TMEFF1: variants seen among roughly 807,000 people sequenced by gnomAD.
TMEFF1 encodes transmembrane protein with EGF like and two follistatin like domains 1.
In TMEFF1, 20 loss-of-function variants were observed where a neutral mutation model predicts 47.5. The observed-to-expected ratio is 0.42, with a 90% confidence interval of 0.30 to 0.61. The LOEUF (loss-of-function observed/expected upper bound fraction) is 0.61, where lower values mean the gene tolerates loss of function less well. Ranked by LOEUF, TMEFF1 falls within the 20% of genes least tolerant of loss-of-function variation. The probability of loss-of-function intolerance (pLI) is 0.19; values close to 1 mark genes in which losing one functional copy is unlikely to be tolerated. For missense variants in TMEFF1, 411 were observed against 471.1 expected, an observed-to-expected ratio of 0.87 and a Z score of 1.18; for synonymous variants, 162 against 166.3, an observed-to-expected ratio of 0.97 and a Z score of 0.20.
intron 6 of TMEFF1, among the ~76,000 whole-genome samples, chr9:100,548,208 G>A: frequency 6.6e-6 from 1 of 152,020 alleles, no homozygotes; most frequent in Non-Finnish European, 1.5e-5. Context: ...AGCTATTTAA[G>A]AGTTAGATAA....
At chr9:100,519,543 T>C (rs1401914549) in intron 5 of TMEFF1, among the ~76,000 whole-genome samples, 1 of 151,754 alleles carries the variant, frequency 6.6e-6, no homozygotes. Flanking sequence ...AATAGTACAG[T>C]GCTTTTCTTA....
At chr9:100,575,510 T>C (rs1291837922) in intron 9 of TMEFF1, among the ~76,000 whole-genome samples, 4 of 152,308 alleles carry the variant, frequency 2.6e-5, no homozygotes, top group Admixed American at 6.5e-5. Flanking sequence ...TGATTCCAAC[T>C]CTGTCTACCT....
At chr9:100,499,011 C>A in intron 2 of TMEFF1, 137 bp downstream of exon 2, 1 of 768,646 alleles carries the variant, frequency 1.3e-6, no homozygotes, top group South Asian at 1.9e-5. Context: ...TCTTTTTTGT[C>A]AGATGATGCC....
intron 1 of TMEFF1, among the ~76,000 whole-genome samples, chr9:100,494,174 T>G (rs1587819426): frequency 7.8e-6 from 1 of 128,974 alleles, no homozygotes; most frequent in Admixed American, 9.6e-5. Context: ...ACCACTGCAC[T>G]CCAGCCTGGG....
At chr9:100,550,046 G>T (rs150816274) in intron 6 of TMEFF1, 49 bp from the exon 7 acceptor site, 4 of 1,584,602 alleles carry the variant, frequency 2.5e-6, no homozygotes, top group South Asian at 1.2e-5. Flanking sequence ...ATCATGATAT[G>T]ACTTAACCAT....
intron 5 of TMEFF1, among the ~76,000 whole-genome samples, chr9:100,543,436 A>T (rs1838670540): frequency 1.3e-5 from 2 of 149,358 alleles, no homozygotes; most frequent in Middle Eastern, 3.4e-3. Flanking sequence ...TGTTCTCCTC[A>T]TGGTGTTCTA....
chr9:100,513,760 C>T (rs907164353), intron 4 of TMEFF1, among the ~76,000 whole-genome samples: 1 of 152,140 alleles, frequency 6.6e-6, no homozygotes, highest in African/African-American at 2.4e-5. Flanking sequence ...ATTTGTAACT[C>T]TTTCCCATAC....
In TMEFF1 at chr9:100,473,882, C is replaced by T. The variant is rs377576837; in HGVS notation, c.196+142C>T. On this transcript the variant is annotated intron_variant, in intron 1 of 9. Transcript: ENST00000374879. The surrounding 1 kb of genome is among the most constrained non-coding windows in gnomAD (Gnocchi z 5.4). ...CCCGAGGGTGAGCGAGGGCGGAGGG[C>T]AGGGCGCGAGCGTGCGGTGTGGCTT... 1.2e-5 allele frequency: 13 copies of T among 1,085,464 alleles called. No homozygotes were observed. In the East Asian group the frequency reaches 3.2e-4, roughly 27 times the overall value. The allele number at this position is 1,085,464 out of a possible 1,614,324, so 67.2% of individuals were successfully genotyped here.
chr9:100,559,397 G>A (rs1216263995), intron 7 of TMEFF1, among the ~76,000 whole-genome samples: 1 of 152,168 alleles, frequency 6.6e-6, no homozygotes, highest in African/African-American at 2.4e-5. Flanking sequence ...TGATAAATTA[G>A]TGATCTGTTT....
chr9:100,494,272 A>G (rs550145447), intron 1 of TMEFF1, among the ~76,000 whole-genome samples: 2 of 152,032 alleles, frequency 1.3e-5, no homozygotes, highest in East Asian at 3.9e-4. Context: ...TCTCTTGATA[A>G]ATTTTATCAT....
chr9:100,569,755 G>A (rs935208152), intron 8 of TMEFF1, among the ~76,000 whole-genome samples: 1 of 152,212 alleles, frequency 6.6e-6, no homozygotes, highest in Non-Finnish European at 1.5e-5. Flanking sequence ...CAATCAAGCT[G>A]ATTAACATAT....
intron 5 of TMEFF1, among the ~76,000 whole-genome samples, chr9:100,525,043 A>G (rs1185575471): frequency 6.6e-6 from 1 of 152,162 alleles, no homozygotes; most frequent in Admixed American, 6.5e-5. Flanking sequence ...TAGGCATCTT[A>G]GTAATGATGG....
intron 7 of TMEFF1, 102 bp downstream of exon 7, chr9:100,550,262 C>T (rs1484488961): frequency 1.7e-6 from 2 of 1,169,866 alleles, no homozygotes; most frequent in East Asian, 5.1e-5. Flanking sequence ...TCTAACTTTG[C>T]TCTCTATAGT....
intron 7 of TMEFF1, among the ~76,000 whole-genome samples, chr9:100,557,405 T>G (rs886149704): frequency 2.0e-5 from 3 of 152,140 alleles, no homozygotes; most frequent in Non-Finnish European, 4.4e-5. Context: ...GTCCATACGA[T>G]GAAGAAAACA....
At chr9:100,487,412 C>T (rs1331944728) in intron 1 of TMEFF1, among the ~76,000 whole-genome samples, 2 of 152,150 alleles carry the variant, frequency 1.3e-5, no homozygotes, top group Admixed American at 6.5e-5. Context: ...AGGTGATCTG[C>T]CTGCCTTGGT....
At chr9:100,553,471 G>GAA (rs1441879457) in intron 7 of TMEFF1, among the ~76,000 whole-genome samples, 1 of 152,326 alleles carries the variant, frequency 6.6e-6, no homozygotes, top group East Asian at 1.9e-4. Context: ...GGAAAGATTG[G>GAA]AAGATAGTGC....
chr9:100,501,929 C>T (rs988233801), intron 2 of TMEFF1, among the ~76,000 whole-genome samples: 24 of 152,122 alleles, frequency 1.6e-4, no homozygotes, highest in Non-Finnish European at 2.5e-4. Flanking sequence ...AGGCATGAGC[C>T]ACCGCGCCTG....
At chr9:100,516,498 G>T (rs1587832037) in intron 4 of TMEFF1, among the ~76,000 whole-genome samples, 177 bp from the exon 5 acceptor site, 2 of 152,256 alleles carry the variant, frequency 1.3e-5, no homozygotes, top group Non-Finnish European at 1.5e-5. Flanking sequence ...AAAATATGTT[G>T]TACTCAGTAC....
chr9:100,509,874 A>T (rs1013464875), intron 3 of TMEFF1, among the ~76,000 whole-genome samples: 2 of 151,650 alleles, frequency 1.3e-5, no homozygotes, highest in South Asian at 4.2e-4. Flanking sequence ...TGTTCATCCC[A>T]TGCTGTTTGT....
Sources: gnomAD v4.1 joint callset for allele counts (sites outside exome capture counted in the v4.1 genomes callset) on GRCh38, gnomAD v4.1.1 for gene constraint, Gnocchi (gnomAD v3.1) non-coding constraint, MANE v1.5 for transcripts, NCBI Gene and HGNC (gene_info 2026-07-23, HGNC 2026-07-21) for gene names.